Variants in HMCN2 observed in about 807,000 individuals in gnomAD.
HMCN2 encodes the protein hemicentin-2.
In HMCN2, 325 loss-of-function variants were observed where a neutral mutation model predicts 377.5. The observed-to-expected ratio is 0.86, with a 90% CI of 0.79 to 0.94. The LOEUF is 0.94. Ranked by LOEUF, HMCN2 falls within the 40% of genes least tolerant of loss-of-function variation. HMCN2 has a pLI of 0.00. For missense variants in HMCN2, 4,543 were observed against 4,725.3 expected (o/e 0.96, Z 1.13); for synonymous variants, 2,007 against 2,046.8 (o/e 0.98, Z 0.53).
At chr9:130,318,565 G>A (rs1837688639) in intron 15 of HMCN2, among the ~76,000 whole-genome samples, 1 of 152,124 alleles carries the variant, frequency 6.6e-6, no homozygotes, top group Admixed American at 6.5e-5. Flanking sequence ...AAAATGATTT[G>A]GAAGAAACAC....
At chr9:130,388,561 C>G in intron 62 of HMCN2, 21 bp downstream of exon 62, 1 of 988,038 alleles carries the variant, frequency 1.0e-6, no homozygotes, top group Non-Finnish European at 1.2e-6. Flanking sequence ...CTGTCCTTGT[C>G]TGTTTCGCGT....
At chr9:130,363,798 G>A (rs937238504) in intron 40 of HMCN2, among the ~76,000 whole-genome samples, 1 of 146,900 alleles carries the variant, frequency 6.8e-6, no homozygotes, top group East Asian at 2.0e-4. Flanking sequence ...ACTCCAGCCT[G>A]GGCAATAGAG....
intron 15 of HMCN2, among the ~76,000 whole-genome samples, chr9:130,318,350 A>C (rs1343753906): frequency 5.3e-5 from 8 of 150,604 alleles, no homozygotes; most frequent in Non-Finnish European, 1.2e-4. Flanking sequence ...GGGTTAAAAT[A>C]AAAAGGCCAG....
chr9:130,286,726 G>A lies in HMCN2; in HGVS notation c.612+416G>A, dbSNP rs377084194. 2.6e-4 allele frequency among the ~76,000 whole-genome samples: 39 copies of A among 152,350 alleles called. No homozygotes were observed. In the East Asian group the frequency reaches 4.3e-3, roughly 17 times the overall value. On this transcript the variant is annotated intron_variant, in intron 4 of 97. Coordinates refer to ENST00000683500, the MANE Select transcript of HMCN2 (RefSeq NM_001291815.2). ...CCCCAGAGTCAGGGAACCTGCGGTG[G>A]GTGGAGGAACACAGGAGCTCTCAGG...
At position 130,396,015 on chromosome 9, in the gene HMCN2, C is replaced by T. The variant is rs776923353; in HGVS notation, c.11003C>T (p.Ala3668Val). The change falls in exon 72 of 98, where the codon GCC becomes GTC. Residue 3668 changes from alanine to valine, a missense_variant. Transcript: ENST00000683500. ...GACAGCGGCGACTACAGCTGCACAG[C>T]CCGCAACGCCGCAGGCAGCACTAGT... Reference protein sequence around the residue: ...TADSGDYSCTARNAAGSTSVA... With the variant: ...TADSGDYSCTVRNAAGSTSVA... The T allele has an allele frequency of 1.5e-5, 19 of 1,287,316 alleles. No homozygotes were observed. In the South Asian group the frequency reaches 2.3e-4, roughly 16 times the overall value. The allele number at this position is 1,287,316 out of a possible 1,614,324, so 79.7% of individuals were successfully genotyped here.
At chr9:130,372,253 G>T (rs1188329778) in intron 46 of HMCN2, 41 bp from the exon 47 acceptor site, 1 of 824,190 alleles carries the variant, frequency 1.2e-6, no homozygotes, top group Non-Finnish European at 1.5e-6. Context: ...ACAGAATGCT[G>T]CTCAGAGCCA....
rs1156324978 is a variant in HMCN2, at chr9:130,385,657, C to T, written c.9204C>T (p.Leu3068=). 3.1e-6 allele frequency: 4 copies of T among 1,304,192 alleles called. No homozygotes were observed. In the Admixed American group the frequency reaches 6.9e-5, roughly 22 times the overall value. The allele number at this position is 1,304,192 out of a possible 1,614,324, so 80.8% of individuals were successfully genotyped here. A position where few individuals can be genotyped will look rare whatever the true frequency, so the allele number is the denominator to read the frequency against. Residue 3068 remains leucine, a synonymous_variant, in exon 60 of 98, where the codon CTC becomes CTT. Transcript: ENST00000683500. The stretch of plus-strand genomic sequence containing the variant: ...TCCTGAGCTGCGAGACAGATGCGCT[C>T]CCTGAGCCAACTGTGACCTGGTACA... ...KAVLSCETDA[L]PEPTVTWYKD... is the part of the protein sequence containing the mutation.
At chr9:130,389,191 G>C (rs990279111) in intron 62 of HMCN2, among the ~76,000 whole-genome samples, 6 of 152,182 alleles carry the variant, frequency 3.9e-5, no homozygotes, top group Admixed American at 1.3e-4. Context: ...TGGCTGTGCT[G>C]GCTCCTCGAA....
chr9:130,323,486 G>T (rs1047990524), intron 19 of HMCN2, among the ~76,000 whole-genome samples: 3 of 152,228 alleles, frequency 2.0e-5, no homozygotes, highest in African/African-American at 7.2e-5. Context: ...GACGACCAGG[G>T]AACTGGGGTT....
At chr9:130,280,177 T>C (rs1339980612) in intron 1 of HMCN2, among the ~76,000 whole-genome samples, 9 of 150,152 alleles carry the variant, frequency 6.0e-5, no homozygotes, top group African/African-American at 2.2e-4. Context: ...GGTTTTTTTT[T>C]TTGAGACGGA....
chr9:130,338,636 T>A (rs1046412090), intron 23 of HMCN2: 4 of 151,410 alleles, frequency 2.6e-5, no homozygotes, highest in Admixed American at 1.3e-4. Flanking sequence ...GTCCCAGGAG[T>A]GGGTGTTCCC....
chr9:130,348,754 T>G (rs1251103193), intron 27 of HMCN2, 79 bp downstream of exon 27: 8 of 1,278,574 alleles, frequency 6.3e-6, no homozygotes, highest in Non-Finnish European at 8.2e-6. Context: ...CATTTCTGCG[T>G]GTGCCAAGGT....
rs954120133 is a variant in HMCN2 at position 130,394,886 on chromosome 9, C to A, written c.10693-141C>A. The A allele has an allele frequency of 2.3e-5, 10 of 438,216 alleles. No individual in the cohort carries two copies. The highest frequency in any genetic ancestry group is 3.6e-5 in the Non-Finnish European group (9 of 249,060). 27.1% of individuals were successfully genotyped at this position (438,216 alleles called of 1,614,324 possible). ...GCAACAGTGAGATGGAGGGAGAGGGCGTGGGTTGGCTGGGAGGTGGATGGC... is the reference window on the plus strand; with the variant it reads ...GCAACAGTGAGATGGAGGGAGAGGGAGTGGGTTGGCTGGGAGGTGGATGGC... On this transcript the variant is annotated intron_variant, in intron 69 of 97. Coordinates refer to ENST00000683500, the MANE Select transcript of HMCN2 (RefSeq NM_001291815.2). The surrounding 1 kb of genome is among the most constrained non-coding windows in gnomAD (Gnocchi z 5.1).
chr9:130,386,356 G>A (rs1842020994), intron 60 of HMCN2, 87 bp from the exon 61 acceptor site: 1 of 798,374 alleles, frequency 1.3e-6, no homozygotes, highest in Admixed American at 2.7e-5. Context: ...TGCTCTGGAA[G>A]TTTTGGGGGC....
intron 36 of HMCN2, among the ~76,000 whole-genome samples, chr9:130,358,864 C>A (rs1035461587): frequency 6.6e-6 from 1 of 152,076 alleles, no homozygotes; most frequent in Non-Finnish European, 1.5e-5. Flanking sequence ...TTAGTAGCGA[C>A]GGGGTTTCAC....
Position 130,410,576 on chromosome 9 carries a change from CG to C in HMCN2, c.12886del (p.Asp4296MetfsTer20), listed in dbSNP as rs1564868916. On this transcript the variant is annotated frameshift_variant, in exon 85 of 98. Transcript: ENST00000683500. LOFTEE classifies it high-confidence loss of function. ...SLTIRRTERD[D>X]AGRYQCLAEN... ...TCTCCTGTGCCCACTTGCAGAGGGA[CG>C]ATGCGGGACGGTACCAGTGCCTGGC... The C allele has an allele frequency of 6.4e-7, 1 of 1,550,500 alleles. No homozygotes were observed. The highest frequency in any genetic ancestry group is 8.7e-7 in the Non-Finnish European group (1 of 1,146,950).
rs2131836714 is a variant in HMCN2 at position 130,430,535 on chromosome 9, A to C, written c.14578A>C (p.Met4860Leu). The C allele has an allele frequency of 6.4e-7, 1 of 1,550,578 alleles. No homozygotes were observed. Among genetic ancestry groups the C allele is most frequent in the Non-Finnish European group, 8.7e-7 (1 of 1,146,974 alleles). ...HAWVSLRPGP[M>L]ALSSVGRAWC... Reference sequence around the variant, plus strand: ...CTGGGTCTCTCTCCGTCCGGGTCCCATGGCCCTGAGCAGTGTGGGCCGGGC... The same window carrying C: ...CTGGGTCTCTCTCCGTCCGGGTCCCCTGGCCCTGAGCAGTGTGGGCCGGGC... Residue 4860 changes from methionine (M) to leucine (L), a missense_variant, in exon 95 of 98, where the codon ATG becomes CTG. Physicochemically the swap from Met to Leu is conservative, Grantham distance 15. Transcript: ENST00000683500.
chr9:130,407,099 A>G (rs1018177460), intron 82 of HMCN2: 2 of 155,798 alleles, frequency 1.3e-5, no homozygotes, highest in African/African-American at 4.8e-5. Context: ...AAAAATACAC[A>G]ATTAGCTGAG....
At chr9:130,337,325 T>C (rs1326490874) in intron 22 of HMCN2, among the ~76,000 whole-genome samples, 1 of 152,120 alleles carries the variant, frequency 6.6e-6, no homozygotes, top group Non-Finnish European at 1.5e-5. Context: ...AACACAGTTC[T>C]GGACGTAAGA....
Sources: allele counts gnomAD v4.1 joint callset (sites outside exome capture counted in the v4.1 genomes callset), GRCh38; gene constraint gnomAD v4.1.1; non-coding constraint Gnocchi (gnomAD v3.1); transcripts MANE v1.5; gene names NCBI Gene and HGNC (gene_info 2026-07-23, HGNC 2026-07-21).